Variants in RALGAPA1 observed in about 807,000 individuals in gnomAD.
RALGAPA1 encodes the protein Ral GTPase activating protein catalytic subunit alpha 1.
RALGAPA1 carries 52 observed loss-of-function variants against 269.6 expected under a neutral mutation model. The observed-to-expected ratio is 0.19, with a 90% CI of 0.15 to 0.24. The LOEUF is 0.24. Among genes scored for constraint, RALGAPA1 ranks in the 10% least tolerant of loss-of-function variants. The pLI is 1.00. For synonymous variants in RALGAPA1, 817 were observed against 1,008.3 expected, an observed-to-expected ratio of 0.81 and a Z score of 3.60; for missense variants, 1,917 against 3,013.9, an observed-to-expected ratio of 0.64 and a Z score of 8.52.
chr14:35,673,500 A>G (rs1297388563), intron 24 of RALGAPA1, among the ~76,000 whole-genome samples: 1 of 152,210 alleles, frequency 6.6e-6, no homozygotes, highest in Non-Finnish European at 1.5e-5. Context: ...TCAAGGCTGC[A>G]GTGAGCTGTG....
intron 41 of RALGAPA1, among the ~76,000 whole-genome samples, chr14:35,545,516 A>G (rs913875836): frequency 6.6e-6 from 1 of 152,058 alleles, no homozygotes; most frequent in Admixed American, 6.5e-5. Flanking sequence ...TCCAAAAGTA[A>G]TTATAAAAAG....
At chr14:35,639,102 T>G (rs982902438) in intron 31 of RALGAPA1, among the ~76,000 whole-genome samples, 2 of 151,910 alleles carry the variant, frequency 1.3e-5, no homozygotes, top group South Asian at 2.1e-4. Flanking sequence ...AATAAAGGGA[T>G]GAAGATGTTC....
At chr14:35,670,923 C>CA (rs59550450) in intron 26 of RALGAPA1, among the ~76,000 whole-genome samples, 5,256 of 132,194 alleles carry the variant, frequency 0.04, 203 homozygotes, top group African/African-American at 0.11. Flanking sequence ...ACTTCCATCT[C>CA]AAAAAAAAAA....
chr14:35,739,059 G>A (rs918512420), intron 11 of RALGAPA1, among the ~76,000 whole-genome samples: 1 of 151,682 alleles, frequency 6.6e-6, no homozygotes, highest in African/African-American at 2.4e-5. Context: ...AAAGGCTTAT[G>A]TTTATCCTAC....
At chr14:35,626,335 A>C (rs2060988630) in intron 34 of RALGAPA1, among the ~76,000 whole-genome samples, 1 of 152,180 alleles carries the variant, frequency 6.6e-6, no homozygotes, top group Non-Finnish European at 1.5e-5. Context: ...TTGTTCGTTC[A>C]CTGATATCTG....
intron 27 of RALGAPA1, among the ~76,000 whole-genome samples, chr14:35,660,263 C>G (rs1022348201): frequency 1.3e-5 from 2 of 151,986 alleles, no homozygotes; most frequent in African/African-American, 2.4e-5. Context: ...ATAAAAAACC[C>G]TACAGACTCC....
At chr14:35,758,243 C>CA (rs66473514) in intron 6 of RALGAPA1, among the ~76,000 whole-genome samples, 2,059 of 49,376 alleles carry the variant, frequency 0.042, 101 homozygotes, top group South Asian at 0.13. Context: ...GACTCTGTCT[C>CA]AAAAAAAAAA....
intron 16 of RALGAPA1, among the ~76,000 whole-genome samples, chr14:35,710,153 A>C (rs1318084059): frequency 2.6e-5 from 4 of 152,206 alleles, no homozygotes; most frequent in Admixed American, 2.6e-4. Flanking sequence ...CAGTACCACT[A>C]CTTCTTCTAT....
At position 35,757,285 on chromosome 14, in the gene RALGAPA1, C is replaced by A. The variant is rs949695840; in HGVS notation, c.548-377G>T. ...TACAGGCTCCTGCCACCATGCCCAG[C>A]TAATTTTTGTATTTTTAGTAGACGG... On this transcript the variant is annotated intron_variant, in intron 6 of 41. Transcript: ENST00000680220. 2.6e-5 allele frequency among the ~76,000 whole-genome samples: 4 copies of A among 151,822 alleles called. No homozygotes were observed. In the East Asian group the frequency reaches 7.7e-4, roughly 29 times the overall value.
chr14:35,777,071 T>A (rs1384346283), intron 1 of RALGAPA1, among the ~76,000 whole-genome samples: 4 of 152,206 alleles, frequency 2.6e-5, no homozygotes, highest in African/African-American at 7.2e-5. Flanking sequence ...GCCACAAATA[T>A]TAGCTACATA....
chr14:35,804,814 AG>A (rs1283408993), intron 1 of RALGAPA1, among the ~76,000 whole-genome samples: 7 of 151,796 alleles, frequency 4.6e-5, no homozygotes, highest in Admixed American at 3.9e-4. Context: ...TGCATGTCCC[AG>A]CTACTAGGGA....
At chr14:35,760,343 C>T (rs568861329) in intron 6 of RALGAPA1, among the ~76,000 whole-genome samples, 33 of 151,840 alleles carry the variant, frequency 2.2e-4, no homozygotes, top group East Asian at 5.8e-4. Flanking sequence ...GAGCCCACAC[C>T]GCTACCACCT....
chr14:35,797,872 C>CT (rs145226820), intron 1 of RALGAPA1, among the ~76,000 whole-genome samples: 18,336 of 148,624 alleles, frequency 0.12, 1,190 homozygotes, highest in South Asian at 0.13. Context: ...CTAAAAGAGA[C>CT]TTTTTTTTTC....
intron 39 of RALGAPA1, among the ~76,000 whole-genome samples, chr14:35,550,035 C>T (rs1423976822): frequency 2.0e-5 from 3 of 152,206 alleles, no homozygotes; most frequent in Non-Finnish European, 2.9e-5. Flanking sequence ...CAACCAGTAC[C>T]TTGAAGCGTT....
chr14:35,651,817 T>C lies in RALGAPA1; in HGVS notation c.5664A>G (p.Glu1888=), dbSNP rs751497904. The change falls in exon 31 of 42, where the codon GAA becomes GAG. Residue 1888 remains glutamate (E), a synonymous_variant. Coordinates refer to ENST00000680220, the MANE Select transcript of RALGAPA1 (RefSeq NM_001346249.2). ...AAATTTAAATTACCCTCTTGTCCAT[T>C]TCATAAGATGAAGCCTCTGTACTTG... ...LLPSTEASSY[E]MDKRLVVSLL... The C allele has an allele frequency of 1.2e-6, 2 of 1,600,120 alleles. No individual in the cohort carries two copies. The highest frequency in any genetic ancestry group is 2.2e-5 in the East Asian group (1 of 44,470).
intron 3 of RALGAPA1, among the ~76,000 whole-genome samples, chr14:35,772,127 C>T (rs2074680223): frequency 6.6e-6 from 1 of 152,104 alleles, no homozygotes; most frequent in South Asian, 2.1e-4. Context: ...GTAATCATAA[C>T]TCACCACAGC....
intron 37 of RALGAPA1, among the ~76,000 whole-genome samples, chr14:35,586,730 G>C (rs1234165487): frequency 6.6e-6 from 1 of 152,112 alleles, no homozygotes; most frequent in African/African-American, 2.4e-5. Flanking sequence ...TGTGGTTTTT[G>C]TCTTTGGTTC....
intron 1 of RALGAPA1, among the ~76,000 whole-genome samples, chr14:35,780,992 C>T (rs12435221): frequency 6.6e-6 from 1 of 151,894 alleles, no homozygotes. Flanking sequence ...CAAACTAATC[C>T]TAAAGCACAA....
intron 39 of RALGAPA1, among the ~76,000 whole-genome samples, chr14:35,568,860 C>T (rs2056928639): frequency 6.6e-6 from 1 of 152,248 alleles, no homozygotes; most frequent in Non-Finnish European, 1.5e-5. Flanking sequence ...ATACTACTCA[C>T]TGAACTTGCC....
Sources: allele counts gnomAD v4.1 joint callset (sites outside exome capture counted in the v4.1 genomes callset), GRCh38; gene constraint gnomAD v4.1.1; transcripts MANE v1.5; gene names NCBI Gene and HGNC (gene_info 2026-07-23, HGNC 2026-07-21).